DPP3: variants seen among roughly 807,000 people sequenced by gnomAD.
DPP3 encodes DPP III.
DPP3 carries 64 observed loss-of-function variants against 89.8 expected under a neutral mutation model. The observed-to-expected ratio is 0.71, with a 90% CI of 0.58 to 0.88. DPP3 has a LOEUF of 0.88. Among genes scored for constraint, DPP3 ranks in the 40% least tolerant of loss-of-function variants. The probability of loss-of-function intolerance (pLI) is 0.00; values close to 1 mark genes in which losing one functional copy is unlikely to be tolerated. For synonymous variants in DPP3, 377 were observed against 404.3 expected, an observed-to-expected ratio of 0.93 and a Z score of 0.81; for missense variants, 835 against 972.5, an observed-to-expected ratio of 0.86 and a Z score of 1.88.
intron 10 of DPP3, 39 bp downstream of exon 10, chr11:66,492,949 T>G: frequency 2.5e-6 from 4 of 1,597,438 alleles, no homozygotes; most frequent in Non-Finnish European, 3.4e-6. Flanking sequence ...CCCAGAAACC[T>G]TCCTTTAGAG....
chr11:66,483,849 T>A (rs1855153072), intron 2 of DPP3, among the ~76,000 whole-genome samples: 1 of 152,252 alleles, frequency 6.6e-6, no homozygotes, highest in South Asian at 2.1e-4. Flanking sequence ...CTGTTTATTC[T>A]ACCTCTTTTG....
intron 9 of DPP3, chr11:66,492,297 C>T (rs1855414579): frequency 1.1e-5 from 2 of 183,820 alleles, no homozygotes; most frequent in South Asian, 3.0e-4. Flanking sequence ...CACCCCCTTC[C>T]CCAGGGGACC....
intron 2 of DPP3, among the ~76,000 whole-genome samples, chr11:66,483,446 T>G (rs1202453305): frequency 6.6e-6 from 1 of 152,234 alleles, no homozygotes; most frequent in Non-Finnish European, 1.5e-5. Flanking sequence ...TCCTGCTTTG[T>G]GTCCTGCTTT....
intron 5 of DPP3, 111 bp from the exon 6 acceptor site, chr11:66,487,803 C>T: frequency 1.0e-6 from 1 of 966,038 alleles, no homozygotes; most frequent in Non-Finnish European, 1.6e-6. Context: ...CCAGAAGGCC[C>T]AGCCTGCTTT....
At chr11:66,500,004 C>T (rs757345039) in intron 16 of DPP3, among the ~76,000 whole-genome samples, 1 of 151,944 alleles carries the variant, frequency 6.6e-6, no homozygotes, top group Non-Finnish European at 1.5e-5. Flanking sequence ...GGAACATATA[C>T]GCCATGGATA....
intron 16 of DPP3, among the ~76,000 whole-genome samples, chr11:66,500,690 CAG>C (rs1019770045): frequency 4.6e-5 from 7 of 152,240 alleles, no homozygotes; most frequent in Non-Finnish European, 8.8e-5. Flanking sequence ...GTCACCGACA[CAG>C]AATCAGTTCT....
At position 66,491,634 on chromosome 11, in the gene DPP3, C is replaced by T; in HGVS notation, c.929+10C>T. The T allele has an allele frequency of 4.3e-6, 7 of 1,611,542 alleles. No individual in the cohort carries two copies. Among genetic ancestry groups the T allele is most frequent in the Non-Finnish European group, 5.9e-6 (7 of 1,178,004 alleles). On this transcript the variant is annotated intron_variant, in intron 8 of 17. Transcript: ENST00000531863. ...GCCCCATCGTGGAGAGGTGAGGCGC[C>T]AGCTCCACCCCACCTGCCCCCTCCT...
Position 66,509,255 on chromosome 11 carries a change from A to G in DPP3, c.*4A>G, listed in dbSNP as rs2134761355. ...GGCCCCATCTGGCCAAGCTTGAGGA[A>G]GATGTGTGGCCTTGCCCCCAATTCC... On this transcript the variant is annotated 3_prime_UTR_variant, in exon 18 of 18. Transcript: ENST00000531863. 1.2e-6 allele frequency: 2 copies of G among 1,605,092 alleles called. No individual in the cohort carries two copies. Among genetic ancestry groups the G allele is most frequent in the South Asian group, 1.1e-5 (1 of 90,072 alleles).
chr11:66,492,612 A>G, intron 9 of DPP3, 104 bp from the exon 10 acceptor site: 1 of 1,349,758 alleles, frequency 7.4e-7, no homozygotes, highest in Middle Eastern at 2.7e-4. Flanking sequence ...GCCCAGGGTG[A>G]CTGCATACAG....
intron 6 of DPP3, 131 bp from the exon 7 acceptor site, chr11:66,491,122 G>C: frequency 7.4e-7 from 1 of 1,355,542 alleles, no homozygotes; most frequent in Non-Finnish European, 1.0e-6. Flanking sequence ...TGGCTACAGG[G>C]AGCCATTGAA....
rs1855280282 is a variant in DPP3 at position 66,487,980 on chromosome 11, G to T, written c.640G>T (p.Val214Leu). Reference sequence around the variant, plus strand: ...TGGAGAAGGGAAGCCCTACTACGAGGTGCGGCTGGCTTCTGTGCTTGGCTC... The same window carrying T: ...TGGAGAAGGGAAGCCCTACTACGAGTTGCGGCTGGCTTCTGTGCTTGGCTC... Reference protein sequence around the residue: ...VDGEGKPYYEVRLASVLGSEP... With the variant: ...VDGEGKPYYELRLASVLGSEP... The change falls in exon 6 of 18, where the codon GTG becomes TTG. Residue 214 changes from valine to leucine, a missense_variant. By Grantham distance (32) the Val-to-Leu change is conservative. Transcript: ENST00000531863. 1.9e-6 allele frequency: 3 copies of T among 1,614,044 alleles called. No homozygotes were observed. The highest frequency in any genetic ancestry group is 2.5e-6 in the Non-Finnish European group (3 of 1,179,982).
At chr11:66,482,033 C>T (rs1855097458) in intron 1 of DPP3, 160 bp from the exon 2 acceptor site, 2 of 1,098,272 alleles carry the variant, frequency 1.8e-6, no homozygotes, top group Non-Finnish European at 2.6e-6. Flanking sequence ...AGTCATCTCA[C>T]CTTCTCTAAG....
chr11:66,493,008 T>C, intron 10 of DPP3, 59 bp from the exon 11 acceptor site: 1 of 1,610,124 alleles, frequency 6.2e-7, no homozygotes, highest in Non-Finnish European at 8.5e-7. Flanking sequence ...GCTCTGTGCC[T>C]CTTGTCTGTT....
chr11:66,494,490 T>G (rs1425174506), intron 12 of DPP3, among the ~76,000 whole-genome samples: 1 of 152,210 alleles, frequency 6.6e-6, no homozygotes, highest in Non-Finnish European at 1.5e-5. Flanking sequence ...TTCAGCACCT[T>G]CACCGAGCCT....
intron 6 of DPP3, 126 bp from the exon 7 acceptor site, chr11:66,491,127 A>G: frequency 1.4e-6 from 2 of 1,423,610 alleles, no homozygotes; most frequent in Non-Finnish European, 1.9e-6. Flanking sequence ...ACAGGGAGCC[A>G]TTGAAAATCT....
At chr11:66,508,998 T>C (rs1041174327) in intron 17 of DPP3, 81 bp from the exon 18 acceptor site, 23 of 1,535,552 alleles carry the variant, frequency 1.5e-5, no homozygotes, top group Middle Eastern at 3.5e-4. Flanking sequence ...CTGCTGTAAT[T>C]GTGATTATTA....
chr11:66,495,485 C>G lies in DPP3; in HGVS notation c.1573C>G (p.Leu525Val). ...GLYLCLHPQV[L>V]EIFGFEGADA... is the part of the protein sequence containing the mutation. ...CTACCTCTGTCTCCACCCGCAAGTG[C>G]TGGAGTAAGAGCAGCAGGGCCGAGG... Residue 525 changes from leucine to valine, a missense_variant, in exon 14 of 18, where the codon CTG (leucine) becomes GTG (valine). Physicochemically the swap from Leu to Val is conservative, Grantham distance 32 (BLOSUM62 1). Coordinates refer to ENST00000531863, the MANE Select transcript of DPP3 (RefSeq NM_130443.4). The G allele has an allele frequency of 6.2e-7, 1 of 1,611,218 alleles. No individual in the cohort carries two copies. The highest frequency in any genetic ancestry group is 8.5e-7 in the Non-Finnish European group (1 of 1,178,408).
chr11:66,482,917 A>C (rs544891576), intron 2 of DPP3: 1 of 178,200 alleles, frequency 5.6e-6, no homozygotes, highest in South Asian at 1.3e-4. Flanking sequence ...AGTGCATTGC[A>C]GCAATGCAGA....
In DPP3 at chr11:66,497,466, C is replaced by T. The variant is rs1241362723; in HGVS notation, c.1867C>T (p.Arg623Trp). The change falls in exon 16 of 18, where the codon CGG (arginine) becomes TGG (tryptophan). Residue 623 changes from arginine (R) to tryptophan (W), a missense_variant. Physicochemically the swap from Arg to Trp is moderately radical, Grantham distance 101 (BLOSUM62 -3). Transcript: ENST00000531863. ...VGKPALERFL[R>W]RLQVLKSTGD... The stretch of plus-strand genomic sequence containing the variant: ...CAAGCCTGCTCTAGAGCGCTTCCTG[C>T]GGAGACTTCAGGTAAGCAAAGGCCT... 2 of 1,613,194 alleles carry T rather than the reference C, an allele frequency of 1.2e-6. No homozygotes were observed. The highest frequency in any genetic ancestry group is 2.7e-5 in the African/African-American group (2 of 75,040).
Sources: gnomAD v4.1 joint callset for allele counts (sites outside exome capture counted in the v4.1 genomes callset) on GRCh38, gnomAD v4.1.1 for gene constraint, MANE v1.5 for transcripts, NCBI Gene and HGNC (gene_info 2026-07-23, HGNC 2026-07-21) for gene names.